Variants in PCDH9 observed in about 807,000 individuals in gnomAD.
The protein encoded by PCDH9 is protocadherin 9, also known as protocadherin-9.
Under a neutral mutation model 70.6 loss-of-function variants are expected in PCDH9, and 24 were observed. The ratio of observed to expected loss-of-function variants is 0.34; its 90% confidence interval spans 0.25 to 0.48. PCDH9 has a LOEUF of 0.48. PCDH9 is among the 20% of genes least tolerant of loss of function. The pLI is 0.99. For missense variants in PCDH9, 1,281 were observed against 1,503.6 expected, an observed-to-expected ratio of 0.85 and a Z score of 2.45; for synonymous variants, 562 against 558.5, an observed-to-expected ratio of 1.01 and a Z score of -0.09.
intron 2 of PCDH9, among the ~76,000 whole-genome samples, chr13:66,932,150 T>C (rs1296212261): frequency 6.6e-6 from 1 of 152,130 alleles, no homozygotes; most frequent in Non-Finnish European, 1.5e-5. Flanking sequence ...TGATCCAGCT[T>C]ACTTGAAAGA....
At chr13:66,777,816 T>TA in intron 3 of PCDH9, among the ~76,000 whole-genome samples, 1 of 152,206 alleles carries the variant, frequency 6.6e-6, no homozygotes, top group Non-Finnish European at 1.5e-5. Context: ...CATGCTGCTA[T>TA]AAAGACACAT....
At chr13:66,929,038 A>G (rs1054286839) in intron 2 of PCDH9, among the ~76,000 whole-genome samples, 2 of 152,114 alleles carry the variant, frequency 1.3e-5, no homozygotes, top group African/African-American at 4.8e-5. Context: ...ATGTTACAGG[A>G]AAAAAATTAT....
chr13:67,003,784 C>T (rs908350689), intron 2 of PCDH9, among the ~76,000 whole-genome samples: 9 of 152,164 alleles, frequency 5.9e-5, no homozygotes, highest in Non-Finnish European at 1.2e-4. Flanking sequence ...AATTAAATAA[C>T]GCTTTACAGG....
chr13:67,025,728 G>T (rs1268913158), intron 2 of PCDH9, among the ~76,000 whole-genome samples: 1 of 152,068 alleles, frequency 6.6e-6, no homozygotes, highest in Non-Finnish European at 1.5e-5. Context: ...CTACTACCTT[G>T]AAAGTAGTGA....
intron 4 of PCDH9, among the ~76,000 whole-genome samples, chr13:66,375,743 T>A (rs967349476): frequency 6.6e-6 from 1 of 152,048 alleles, no homozygotes; most frequent in East Asian, 1.9e-4. Flanking sequence ...CCTGAATAAG[T>A]GTATTACTTT....
intron 2 of PCDH9, among the ~76,000 whole-genome samples, chr13:66,905,220 T>G (rs143659253): frequency 5.9e-4 from 90 of 152,234 alleles, no homozygotes; most frequent in African/African-American, 2.0e-3. Flanking sequence ...AAACAGTTAT[T>G]TTCATCTGTG....
At chr13:66,892,794 G>A (rs1418852706) in intron 3 of PCDH9, among the ~76,000 whole-genome samples, 1 of 151,982 alleles carries the variant, frequency 6.6e-6, no homozygotes, top group Admixed American at 6.6e-5. Flanking sequence ...TAAAATACAA[G>A]GTAGAAGCAG....
intron 3 of PCDH9, among the ~76,000 whole-genome samples, chr13:66,740,595 A>C: frequency 6.7e-6 from 1 of 149,608 alleles, no homozygotes; most frequent in East Asian, 2.0e-4. Context: ...GGCCGCTAGC[A>C]AGACTAATAA....
At chr13:67,047,180 C>A (rs572949290) in intron 2 of PCDH9, among the ~76,000 whole-genome samples, 5 of 152,258 alleles carry the variant, frequency 3.3e-5, no homozygotes, top group African/African-American at 1.2e-4. Context: ...TTTCTGAACA[C>A]CCACTCTAAT....
intron 3 of PCDH9, among the ~76,000 whole-genome samples, chr13:66,803,360 AT>A (rs1490266608): frequency 6.6e-6 from 1 of 152,206 alleles, no homozygotes; most frequent in Non-Finnish European, 1.5e-5. Flanking sequence ...AAAAGATAAC[AT>A]TTAAGAGCTA....
chr13:66,351,146 C>CT (rs541032538), intron 4 of PCDH9, among the ~76,000 whole-genome samples: 12 of 151,346 alleles, frequency 7.9e-5, no homozygotes, highest in African/African-American at 2.2e-4. Context: ...AAATACTTTA[C>CT]TTTTTTTTTC....
chr13:66,421,753 A>G (rs1280724749), intron 4 of PCDH9, among the ~76,000 whole-genome samples: 1 of 152,176 alleles, frequency 6.6e-6, no homozygotes, highest in Non-Finnish European at 1.5e-5. Context: ...AACTGCACCA[A>G]CTGGGGGGAA....
intron 4 of PCDH9, among the ~76,000 whole-genome samples, chr13:66,589,045 G>A (rs567017925): frequency 4.6e-5 from 7 of 151,978 alleles, no homozygotes; most frequent in South Asian, 4.2e-4. Context: ...TTTTACCTAA[G>A]CCAAAATGTT....
chr13:66,882,582 T>C (rs1468794137), intron 3 of PCDH9, among the ~76,000 whole-genome samples: 3 of 152,196 alleles, frequency 2.0e-5, no homozygotes, highest in Non-Finnish European at 4.4e-5. Flanking sequence ...AAATGTCATA[T>C]ATGTAAGTAT....
At chr13:66,694,036 G>A (rs867408058) in intron 3 of PCDH9, among the ~76,000 whole-genome samples, 3 of 152,172 alleles carry the variant, frequency 2.0e-5, no homozygotes, top group Admixed American at 6.5e-5. Context: ...CTCCCATAGG[G>A]ATATCCCAGC....
intron 2 of PCDH9, among the ~76,000 whole-genome samples, chr13:66,940,949 T>G (rs1190868339): frequency 6.6e-6 from 1 of 151,962 alleles, no homozygotes; most frequent in Non-Finnish European, 1.5e-5. Flanking sequence ...GGCCAAATTA[T>G]GAAAAAGTAT....
chr13:66,748,683 T>C (rs2079410053), intron 3 of PCDH9, among the ~76,000 whole-genome samples: 1 of 152,196 alleles, frequency 6.6e-6, no homozygotes, highest in Admixed American at 6.5e-5. Flanking sequence ...TGCAATTATT[T>C]GTGAAATCCT....
intron 3 of PCDH9, among the ~76,000 whole-genome samples, chr13:66,843,660 T>C (rs1274715423): frequency 2.0e-5 from 3 of 152,118 alleles, no homozygotes; most frequent in Admixed American, 6.5e-5. Flanking sequence ...CTCATTTTCA[T>C]AGGGAGATGG....
chr13:66,449,166 G>A (rs1332523904), intron 4 of PCDH9, among the ~76,000 whole-genome samples: 2 of 152,072 alleles, frequency 1.3e-5, no homozygotes, highest in African/African-American at 4.8e-5. Flanking sequence ...TATATCTGAA[G>A]GTGCTTTTAT....
Sources: allele counts gnomAD v4.1 joint callset (sites outside exome capture counted in the v4.1 genomes callset), GRCh38; gene constraint gnomAD v4.1.1; transcripts MANE v1.5; gene names NCBI Gene and HGNC (gene_info 2026-07-23, HGNC 2026-07-21).